The following EML4 variants were observed in gnomAD, a reference collection of about 807,000 sequenced individuals.
The protein encoded by EML4 is echinoderm microtubule-associated protein-like 4.
Under a neutral mutation model 129.0 loss-of-function variants are expected in EML4, and 72 were observed. The ratio of observed to expected loss-of-function variants is 0.56; its 90% CI spans 0.46 to 0.68. The LOEUF is 0.68. Among genes scored for constraint, EML4 ranks in the 30% least tolerant of loss-of-function variants. The probability of loss-of-function intolerance (pLI) is 0.00; values close to 1 mark genes in which losing one functional copy is unlikely to be tolerated. For synonymous variants in EML4, 532 were observed against 405.0 expected (o/e 1.31, Z -3.77); for missense variants, 1,363 against 1,190.6 (o/e 1.14, Z -2.13).
chr2:42,284,754 G>A, intron 9 of EML4, 51 bp downstream of exon 9: 1 of 1,355,766 alleles, frequency 7.4e-7, no homozygotes, highest in Middle Eastern at 1.8e-4. Flanking sequence ...TGCTGTTAGA[G>A]TGGAATCTAT....
In EML4 at chr2:42,294,178, T is replaced by C. The variant is rs1008926569; in HGVS notation, c.1219-947T>C. Among the ~76,000 whole-genome samples, 5 of 152,240 alleles carry C rather than the reference T, an allele frequency of 3.3e-5. No individual in the cohort carries two copies. In the East Asian group the frequency reaches 7.7e-4, roughly 23 times the overall value. ...ATTGAAATCATTTTAATGAAAAAAC[T>C]AGTAATTTCTTCTTGAGTCTCATGC... On this transcript the variant is annotated intron_variant, in intron 11 of 22. Transcript: ENST00000318522.
At chr2:42,299,775 G>A (rs1396167979) in intron 13 of EML4, among the ~76,000 whole-genome samples, 7 of 152,170 alleles carry the variant, frequency 4.6e-5, no homozygotes, top group South Asian at 4.2e-4. Flanking sequence ...CTGAACCTCC[G>A]CCTCCCAGGT....
chr2:42,232,295 C>CT (rs1674398139), intron 1 of EML4, among the ~76,000 whole-genome samples: 2 of 152,116 alleles, frequency 1.3e-5, no homozygotes, highest in African/African-American at 4.8e-5. Flanking sequence ...GCAAGAGGAC[C>CT]TTTTTTGTTA....
intron 1 of EML4, among the ~76,000 whole-genome samples, chr2:42,191,378 C>T (rs957725548): frequency 1.3e-5 from 2 of 152,076 alleles, no homozygotes; most frequent in African/African-American, 4.8e-5. Flanking sequence ...GGAACAACAT[C>T]CTCAAAGTTT....
chr2:42,183,774 G>A (rs1671089938), intron 1 of EML4, among the ~76,000 whole-genome samples: 1 of 151,742 alleles, frequency 6.6e-6, no homozygotes, highest in Non-Finnish European at 1.5e-5. Context: ...TAATCTGGCT[G>A]TATTTCAATA....
At chr2:42,210,338 TTGTC>T (rs1352028802) in intron 1 of EML4, among the ~76,000 whole-genome samples, 1 of 152,136 alleles carries the variant, frequency 6.6e-6, no homozygotes, top group Non-Finnish European at 1.5e-5. Context: ...CTTTTGGAAT[TTGTC>T]TGATGTTTTG....
chr2:42,169,559 C>T lies in EML4; in HGVS notation c.-53C>T, dbSNP rs1214111100. On this transcript the variant is annotated 5_prime_UTR_variant, in exon 1 of 23. Coordinates refer to ENST00000318522, the MANE Select transcript of EML4 (RefSeq NM_019063.5). ...CAGCGTCGGCCACTCTGTCGGTCCGCTGAATGAAGTGCCCGCCCCTCTAAG... is the reference window on the plus strand; with the variant it reads ...CAGCGTCGGCCACTCTGTCGGTCCGTTGAATGAAGTGCCCGCCCCTCTAAG... 3.6e-5 allele frequency: 57 copies of T among 1,581,978 alleles called. No individual in the cohort carries two copies. Among genetic ancestry groups the T allele is most frequent in the Non-Finnish European group, 4.6e-5 (54 of 1,168,512 alleles).
At chr2:42,286,780 G>A (rs1027961818) in intron 10 of EML4, among the ~76,000 whole-genome samples, 6 of 152,174 alleles carry the variant, frequency 3.9e-5, no homozygotes, top group Non-Finnish European at 7.3e-5. Flanking sequence ...GGCCAGTTCT[G>A]TACAAATATT....
intron 1 of EML4, among the ~76,000 whole-genome samples, chr2:42,213,163 A>G (rs141775870): frequency 1.1e-4 from 17 of 152,358 alleles, no homozygotes; most frequent in African/African-American, 4.1e-4. Flanking sequence ...ACCTTAACGT[A>G]CAGAAAAAGT....
At chr2:42,216,594 C>T (rs1259019920) in intron 1 of EML4, among the ~76,000 whole-genome samples, 1 of 152,084 alleles carries the variant, frequency 6.6e-6, no homozygotes, top group Non-Finnish European at 1.5e-5. Flanking sequence ...ATGAGTACAG[C>T]TACTCTCATT....
intron 1 of EML4, among the ~76,000 whole-genome samples, chr2:42,184,165 T>G (rs1671109384): frequency 6.6e-6 from 1 of 152,210 alleles, no homozygotes; most frequent in African/African-American, 2.4e-5. Context: ...ATGGTTTTTA[T>G]CTCACTCTAT....
intron 1 of EML4, among the ~76,000 whole-genome samples, chr2:42,218,510 G>C (rs2104085650): frequency 6.6e-6 from 1 of 152,252 alleles, no homozygotes; most frequent in Non-Finnish European, 1.5e-5. Context: ...AAAAGTTGTA[G>C]ACTGCTGCCC....
chr2:42,238,030 A>G lies in EML4; in HGVS notation c.26-7475A>G, dbSNP rs1326172633. Among the ~76,000 whole-genome samples the G allele has an allele frequency of 2.6e-5, 4 of 152,248 alleles. No homozygotes were observed. The South Asian group carries it at 8.3e-4, about 32-fold the overall frequency. ...AATAGTGACACCTTTGTTTTCTGAT[A>G]GTTCAGTATACACTTTATTTCATGC... On this transcript the variant is annotated intron_variant, in intron 1 of 22. Coordinates refer to ENST00000318522, the MANE Select transcript of EML4 (RefSeq NM_019063.5).
chr2:42,179,597 T>C (rs1219894873), intron 1 of EML4, among the ~76,000 whole-genome samples: 2 of 152,136 alleles, frequency 1.3e-5, no homozygotes, highest in African/African-American at 4.8e-5. Context: ...GTAATACATA[T>C]ATGGGGGTTT....
chr2:42,174,583 G>T (rs1372211239), intron 1 of EML4, among the ~76,000 whole-genome samples: 1 of 152,118 alleles, frequency 6.6e-6, no homozygotes, highest in Non-Finnish European at 1.5e-5. Context: ...GTGAGCCACT[G>T]TGCCTGACCC....
intron 11 of EML4, among the ~76,000 whole-genome samples, chr2:42,292,957 T>C (rs1029542894): frequency 4.6e-5 from 7 of 152,208 alleles, no homozygotes; most frequent in African/African-American, 1.7e-4. Context: ...TTAACTGTCA[T>C]GTAGTTTTGA....
chr2:42,297,712 A>T (rs548469787), intron 13 of EML4, among the ~76,000 whole-genome samples: 1 of 152,136 alleles, frequency 6.6e-6, no homozygotes, highest in Non-Finnish European at 1.5e-5. Flanking sequence ...CATATTCCCA[A>T]CTATGACATT....
intron 1 of EML4, among the ~76,000 whole-genome samples, chr2:42,209,797 C>T (rs1300273361): frequency 1.3e-5 from 2 of 151,984 alleles, no homozygotes; most frequent in African/African-American, 4.8e-5. Flanking sequence ...GGCATAGCGA[C>T]GAGTGCCTGT....
In EML4 at chr2:42,227,911, T is replaced by C. The variant is rs116831645; in HGVS notation, c.26-17594T>C. On this transcript the variant is annotated intron_variant, in intron 1 of 22. Transcript: ENST00000318522. ...CAACCGCAGGCTATTAATAGTTAAG[T>C]TTGTAGGGAGTCAAAAATTATACAT... Among the ~76,000 whole-genome samples the C allele has an allele frequency of 6.2e-3, 950 of 152,158 alleles. 5 individuals are homozygous for C. The highest frequency in any genetic ancestry group is 0.022 in the African/African-American group (905 of 41,520).
Sources: allele counts gnomAD v4.1 joint callset (sites outside exome capture counted in the v4.1 genomes callset), GRCh38; gene constraint gnomAD v4.1.1; transcripts MANE v1.5; gene names NCBI Gene and HGNC (gene_info 2026-07-23, HGNC 2026-07-21).